Variants in PICALM observed in about 807,000 individuals in gnomAD.
PICALM encodes phosphatidylinositol binding clathrin assembly protein.
A neutral mutation model predicts 80.5 loss-of-function variants in PICALM; 40 were observed. That is an observed-to-expected ratio of 0.50 (90% CI 0.39 to 0.65). The LOEUF is 0.65. Ranked by LOEUF, PICALM falls within the 30% of genes least tolerant of loss-of-function variation. The probability of loss-of-function intolerance (pLI) is 0.00; values close to 1 mark genes in which losing one functional copy is unlikely to be tolerated. For missense variants in PICALM, 676 were observed against 778.9 expected (o/e 0.87, Z 1.57); for synonymous variants, 288 against 260.3 (o/e 1.11, Z -1.02).
intron 8 of PICALM, 175 bp from the exon 9 acceptor site, chr11:86,003,626 C>T (rs532012091): frequency 1.9e-4 from 75 of 403,564 alleles, no homozygotes; most frequent in African/African-American, 1.3e-3. Context: ...GTTATACAAA[C>T]GTGACCTAGT....
intron 2 of PICALM, among the ~76,000 whole-genome samples, chr11:86,027,637 C>A (rs1411441611): frequency 1.3e-5 from 2 of 151,866 alleles, no homozygotes; most frequent in African/African-American, 4.8e-5. Flanking sequence ...ATCCACCCCT[C>A]ACCCTCGCCC....
chr11:86,027,778 C>T (rs2095673024), intron 2 of PICALM, among the ~76,000 whole-genome samples: 1 of 152,132 alleles, frequency 6.6e-6, no homozygotes, highest in Admixed American at 6.5e-5. Context: ...GCCTTGGCCC[C>T]CCAAACTCTC....
chr11:85,986,632 C>T (rs1423396958), intron 13 of PICALM, among the ~76,000 whole-genome samples: 1 of 151,962 alleles, frequency 6.6e-6, no homozygotes, highest in East Asian at 1.9e-4. Context: ...CCTCATGATC[C>T]ACCCGCCTCG....
intron 9 of PICALM, among the ~76,000 whole-genome samples, chr11:86,001,375 T>C (rs917850263): frequency 7.2e-5 from 11 of 152,184 alleles, no homozygotes; most frequent in Non-Finnish European, 7.3e-5. Flanking sequence ...ACTCACTGCT[T>C]TCAGAGTAAG....
chr11:86,011,173 C>A, intron 6 of PICALM, 37 bp from the exon 7 acceptor site: 2 of 869,324 alleles, frequency 2.3e-6, no homozygotes, highest in South Asian at 1.5e-5. Context: ...TTGTTCACAT[C>A]AAAATATAAC....
chr11:85,963,525 A>G (rs958217993), intron 19 of PICALM, among the ~76,000 whole-genome samples: 2 of 152,250 alleles, frequency 1.3e-5, no homozygotes, highest in South Asian at 2.1e-4. Flanking sequence ...AAAGTGGTCA[A>G]TTGTAATGGT....
rs1692380241 is a variant in PICALM, at chr11:86,069,055, A to T, written c.-275T>A. 2 of 407,148 alleles carry T rather than the reference A, an allele frequency of 4.9e-6. No individual in the cohort carries two copies. Among genetic ancestry groups the T allele is most frequent in the South Asian group, 3.7e-5 (1 of 27,252 alleles). The allele number at this position is 407,148 out of a possible 1,614,324, so 25.2% of individuals were successfully genotyped here. ...CGGGTCAGCTGGAGCCGGGCAGGGTAAGAGGAACAGGCAGCTGCAGGAAAA... is the reference window on the plus strand; with the variant it reads ...CGGGTCAGCTGGAGCCGGGCAGGGTTAGAGGAACAGGCAGCTGCAGGAAAA... On this transcript the variant is annotated 5_prime_UTR_variant, in exon 1 of 20. Coordinates refer to ENST00000393346, the MANE Select transcript of PICALM (RefSeq NM_007166.4).
intron 13 of PICALM, 82 bp from the exon 14 acceptor site, chr11:85,984,055 G>A (rs960118209): frequency 1.5e-6 from 1 of 653,518 alleles, no homozygotes; most frequent in South Asian, 1.9e-5. Context: ...ACAATAGAAT[G>A]GAAAATGCAC....
intron 1 of PICALM, among the ~76,000 whole-genome samples, chr11:86,049,043 A>G (rs1159758759): frequency 6.6e-6 from 1 of 152,200 alleles, no homozygotes; most frequent in Non-Finnish European, 1.5e-5. Flanking sequence ...CTGTAATCCC[A>G]GCACTTTGGA....
At chr11:85,974,323 A>G (rs1592412445) in intron 19 of PICALM, 1 of 259,720 alleles carries the variant, frequency 3.9e-6, no homozygotes, top group Admixed American at 4.5e-5. Context: ...TCTCAAGGCC[A>G]ACACGCCCTG....
intron 13 of PICALM, 94 bp downstream of exon 13, chr11:85,990,156 C>A: frequency 1.6e-6 from 1 of 625,010 alleles, no homozygotes; most frequent in Non-Finnish European, 2.6e-6. Flanking sequence ...TCTAAAGTAA[C>A]TATTGCAGTG....
Position 86,001,071 on chromosome 11 carries a change from T to C in PICALM, c.981A>G (p.Ala327=). 1 of 1,614,194 alleles carries C rather than the reference T, an allele frequency of 6.2e-7. No homozygotes were observed. Among genetic ancestry groups the C allele is most frequent in the Non-Finnish European group, 8.5e-7 (1 of 1,179,996 alleles). Residue 327 remains alanine (A), a synonymous_variant, in exon 10 of 20, where the codon GCA becomes GCG. Coordinates refer to ENST00000393346, the MANE Select transcript of PICALM (RefSeq NM_007166.4). ...TKVDEREKQA[A]LEEEQARLKA... ...TCAAACGTGCCTGTTCTTCCTCTAA[T>C]GCTGCCTGCTTTTCCCTTTCATCCA... is the stretch of plus-strand genomic sequence containing the variant.
chr11:86,010,548 C>T (rs1464665892), intron 7 of PICALM, among the ~76,000 whole-genome samples: 1 of 152,066 alleles, frequency 6.6e-6, no homozygotes, highest in South Asian at 2.1e-4. Context: ...TCTTGAACTC[C>T]TGACCTCAGG....
intron 8 of PICALM, among the ~76,000 whole-genome samples, chr11:86,005,615 G>A (rs1340323701): frequency 6.6e-6 from 1 of 152,070 alleles, no homozygotes; most frequent in African/African-American, 2.4e-5. Flanking sequence ...TGAGGTGGGA[G>A]GATTACTTGA....
At chr11:85,992,440 A>G (rs564833904) in intron 12 of PICALM, among the ~76,000 whole-genome samples, 3 of 152,044 alleles carry the variant, frequency 2.0e-5, no homozygotes, top group South Asian at 4.2e-4. Context: ...GCGTGCCACC[A>G]CGCTCAGCTC....
At position 86,024,472 on chromosome 11, in the gene PICALM, C is replaced by G. The variant is rs2095618041; in HGVS notation, c.349+1820G>C. Among the ~76,000 whole-genome samples, 3 of 145,206 alleles carry G rather than the reference C, an allele frequency of 2.1e-5. 1 individual carries two copies. Among genetic ancestry groups the G allele is most frequent in the Middle Eastern group, 7.4e-3 (2 of 272 alleles). ...TTTTTTTTTTACACCTCCAGAAGAA[C>G]CACAGTTCAGGCCCTGATTAACTCT... On this transcript the variant is annotated intron_variant, in intron 3 of 19. Transcript: ENST00000393346.
intron 2 of PICALM, among the ~76,000 whole-genome samples, chr11:86,028,838 CTTTTTTTT>C (rs71040205): frequency 1.6e-5 from 2 of 126,360 alleles, no homozygotes; most frequent in African/African-American, 6.0e-5. Context: ...TTTTAATTTT[CTTTTTTTT>C]TTTTTTTTGA....
In PICALM at chr11:86,044,084, T is replaced by C. The variant is rs145000484; in HGVS notation, c.131-12473A>G. Among the ~76,000 whole-genome samples, 679 of 152,358 alleles carry C rather than the reference T, an allele frequency of 4.5e-3. 6 individuals carry two copies. The highest frequency in any genetic ancestry group is 0.027 in the Middle Eastern group (8 of 294). The stretch of plus-strand genomic sequence containing the variant: ...AATAGTGTCTTAGGAGTTAGAAATA[T>C]ACAATAGTGGACAAAGTTTCTATTA... On this transcript the variant is annotated intron_variant, in intron 1 of 19. Transcript: ENST00000393346.
In PICALM at chr11:86,028,114, C is replaced by T. The variant is rs150249049; in HGVS notation, c.274-1747G>A. Among the ~76,000 whole-genome samples, 14 of 152,196 alleles carry T rather than the reference C, an allele frequency of 9.2e-5. No individual in the cohort carries two copies. In the East Asian group the frequency reaches 1.7e-3, roughly 19 times the overall value. On this transcript the variant is annotated intron_variant, in intron 2 of 19. Coordinates refer to ENST00000393346, the MANE Select transcript of PICALM (RefSeq NM_007166.4). ...CTTTTCATTTTATTAGTCCTTTCTA[C>T]GTTCATTATATTTAGCTGCAAAGAC...
Sources: gnomAD v4.1 joint callset for allele counts (sites outside exome capture counted in the v4.1 genomes callset) on GRCh38, gnomAD v4.1.1 for gene constraint, MANE v1.5 for transcripts, NCBI Gene and HGNC (gene_info 2026-07-23, HGNC 2026-07-21) for gene names.